The following VASH2 variants were observed in gnomAD, a reference collection of about 807,000 sequenced individuals.
The protein encoded by VASH2 is tubulinyl-Tyr carboxypeptidase 2.
In VASH2, 28 loss-of-function variants were observed where a neutral mutation model predicts 37.2. The observed-to-expected ratio is 0.75, with a 90% confidence interval of 0.56 to 1.03. The LOEUF (loss-of-function observed/expected upper bound fraction) is 1.03, where lower values mean the gene tolerates loss of function less well. Ranked by LOEUF, VASH2 falls within the 50% of genes least tolerant of loss-of-function variation. The pLI, the probability that VASH2 is intolerant of heterozygous loss-of-function variation, is 0.00. For synonymous variants in VASH2, 188 were observed against 174.7 expected (o/e 1.08, Z -0.60); for missense variants, 419 against 459.1 (o/e 0.91, Z 0.80).
chr1:212,987,894 CAT>C lies in VASH2; in HGVS notation c.996-617_996-616del, dbSNP rs1297778220. 3.9e-5 allele frequency among the ~76,000 whole-genome samples: 6 copies of C among 152,196 alleles called. No homozygotes were observed. The East Asian group carries it at 7.7e-4, about 20-fold the overall frequency. On this transcript the variant is annotated intron_variant, in intron 7 of 7. Transcript: ENST00000517399. ...TTTCCCAGCTTGAAGTACTTTCTCA[CAT>C]GACTTTGCATAATTGCTTAGTTGTA...
At chr1:212,965,648 T>C (rs1446586713) in intron 3 of VASH2, 74 bp from the exon 4 acceptor site, 2 of 1,345,436 alleles carry the variant, frequency 1.5e-6, no homozygotes, top group African/African-American at 1.5e-5. Flanking sequence ...GAAATCAGAA[T>C]GCATAGCTTT....
intron 6 of VASH2, among the ~76,000 whole-genome samples, chr1:212,973,184 T>A (rs1371677994): frequency 6.6e-6 from 1 of 152,220 alleles, no homozygotes; most frequent in Admixed American, 6.5e-5. Flanking sequence ...AAATCAGATC[T>A]AAAGTGTTAG....
At chr1:212,966,485 C>A in intron 5 of VASH2, 140 bp downstream of exon 5, 2 of 717,438 alleles carry the variant, frequency 2.8e-6, no homozygotes, top group East Asian at 2.8e-5. Flanking sequence ...TCCTCTGGTT[C>A]ATCTCTTTAA....
chr1:212,970,322 A>G (rs976216280), intron 5 of VASH2, among the ~76,000 whole-genome samples: 12 of 152,154 alleles, frequency 7.9e-5, no homozygotes, highest in Admixed American at 5.9e-4. Flanking sequence ...CCTCAAGATC[A>G]GTGACTCGTG....
intron 7 of VASH2, among the ~76,000 whole-genome samples, chr1:212,979,095 G>A (rs1246064106): frequency 6.6e-6 from 1 of 152,172 alleles, no homozygotes; most frequent in Non-Finnish European, 1.5e-5. Context: ...CACAAGCACT[G>A]GAGCGCCAAG....
chr1:212,963,841 A>G (rs1027485825), intron 3 of VASH2, among the ~76,000 whole-genome samples: 2 of 152,110 alleles, frequency 1.3e-5, no homozygotes, highest in Non-Finnish European at 2.9e-5. Context: ...TGAGCGGAGG[A>G]AAGTTGGGCA....
chr1:212,964,327 C>T (rs1558144801), intron 3 of VASH2, among the ~76,000 whole-genome samples: 1 of 152,204 alleles, frequency 6.6e-6, no homozygotes, highest in Non-Finnish European at 1.5e-5. Flanking sequence ...CCGCTAGGCG[C>T]CCCTGTCACT....
intron 7 of VASH2, among the ~76,000 whole-genome samples, chr1:212,988,015 C>T (rs1667532807): frequency 6.6e-6 from 1 of 152,160 alleles, no homozygotes; most frequent in Admixed American, 6.5e-5. Context: ...TCAGATGAAT[C>T]CTAAGATTCA....
In VASH2 at chr1:212,968,831, C is replaced by T. The variant is rs969728498; in HGVS notation, c.497+2486C>T. 8.1e-6 allele frequency: 8 copies of T among 985,342 alleles called. No homozygotes were observed. In the African/African-American group the frequency reaches 1.4e-4, roughly 17 times the overall value. The allele number at this position is 985,342 out of a possible 1,614,324, so 61.0% of individuals were successfully genotyped here. On this transcript the variant is annotated intron_variant, in intron 5 of 7. Coordinates refer to ENST00000517399, the MANE Select transcript of VASH2 (RefSeq NM_001301056.2). ...CAACGAAGGGGAACACAAGCCCAGG[C>T]CCTTCATGGGGTAGACAAGCTAACT...
chr1:212,972,907 G>A lies in VASH2; in HGVS notation c.825G>A (p.Leu275=). The change falls in exon 6 of 8, where the codon CTG becomes CTA. Residue 275 remains leucine, a synonymous_variant. Coordinates refer to ENST00000517399, the MANE Select transcript of VASH2 (RefSeq NM_001301056.2). ...TGGTCCTCAACGTCTCAAAGATGCT[G>A]AGGGCTGACATAAGGAAGGAGCTGG... is the stretch of plus-strand genomic sequence containing the variant. ...KQLVLNVSKM[L]RADIRKELEK... 6.2e-7 allele frequency: 1 copy of A among 1,614,104 alleles called. No individual in the cohort carries two copies. The highest frequency in any genetic ancestry group is 8.5e-7 in the Non-Finnish European group (1 of 1,180,028).
At chr1:212,985,240 C>T (rs1376113309) in intron 7 of VASH2, among the ~76,000 whole-genome samples, 2 of 139,994 alleles carry the variant, frequency 1.4e-5, no homozygotes, top group Non-Finnish European at 3.1e-5. Context: ...GGGGTTTCAC[C>T]GTGGTGCCCA....
At chr1:212,987,049 G>C (rs1667498221) in intron 7 of VASH2, among the ~76,000 whole-genome samples, 1 of 152,016 alleles carries the variant, frequency 6.6e-6, no homozygotes. Flanking sequence ...GAGAGAGAGA[G>C]AGAGAGAAAA....
chr1:212,975,487 C>T (rs1396011432), intron 7 of VASH2, among the ~76,000 whole-genome samples: 30 of 152,236 alleles, frequency 2.0e-4, no homozygotes, highest in Admixed American at 2.0e-3. Flanking sequence ...CAGCCATTCA[C>T]ACGTGGCCTC....
chr1:212,990,439 T>C lies in VASH2; in HGVS notation c.*1855T>C, dbSNP rs2075847190. 1 of 152,244 alleles carries C rather than the reference T, an allele frequency of 6.6e-6. No homozygotes were observed. The highest frequency in any genetic ancestry group is 1.5e-5 in the Non-Finnish European group (1 of 68,044). 9.4% of individuals were successfully genotyped at this position (152,244 alleles called of 1,614,324 possible). A position where few individuals can be genotyped will look rare whatever the true frequency, so the allele number is the denominator to read the frequency against. On this transcript the variant is annotated 3_prime_UTR_variant, in exon 8 of 8. Coordinates refer to ENST00000517399, the MANE Select transcript of VASH2 (RefSeq NM_001301056.2). ...ATAGTGAATCATTTCATTTTCATTC[T>C]AAAACAATACTGACTTAGCCATATA...
At chr1:212,960,729 T>G (rs1666647706) in intron 2 of VASH2, among the ~76,000 whole-genome samples, 2 of 152,212 alleles carry the variant, frequency 1.3e-5, no homozygotes, top group Non-Finnish European at 2.9e-5. Flanking sequence ...TGCCCTGCAG[T>G]AGAGCACTTG....
In VASH2 at chr1:212,951,704, C is replaced by A. The variant is rs756166915; in HGVS notation, c.162C>A (p.Ser54Arg). ...DGGVLFHVNK[S>R]GFPIDSHTWE... ...GGGTGCTGTTCCACGTCAACAAGAG[C>A]GGCTTCCCCATCGACAGCCACACCT... The change falls in exon 2 of 8, where the codon AGC becomes AGA. Residue 54 changes from serine to arginine, a missense_variant. By Grantham distance (110) the Ser-to-Arg change is moderately radical. Transcript: ENST00000517399. This position sits in a 1 kb window ranked among gnomAD's most constrained non-coding sequence, Gnocchi z 4.4. The A allele has an allele frequency of 1.2e-6, 2 of 1,602,388 alleles. No homozygotes were observed. The highest frequency in any genetic ancestry group is 1.7e-5 in the Admixed American group (1 of 57,904).
chr1:212,953,234 G>GT lies in VASH2; in HGVS notation c.276+1416_276+1417insT, dbSNP rs932062481. On this transcript the variant is annotated intron_variant, in intron 2 of 7. Transcript: ENST00000517399. The stretch of plus-strand genomic sequence containing the variant: ...CCAACCATGTATGCGGGTGCGCGGG[G>GT]GGGGGTGCATTCTCTATGTGGGAAT... 1.1e-4 allele frequency among the ~76,000 whole-genome samples: 14 copies of GT among 128,314 alleles called. No individual in the cohort carries two copies. The South Asian group carries it at 2.8e-3, about 26-fold the overall frequency. 84.2% of individuals were successfully genotyped at this position (128,314 alleles called of 152,430 possible).
At chr1:212,984,038 C>A (rs1248691178) in intron 7 of VASH2, among the ~76,000 whole-genome samples, 3 of 152,156 alleles carry the variant, frequency 2.0e-5, no homozygotes, top group Non-Finnish European at 4.4e-5. Flanking sequence ...ATTAATTAAT[C>A]CACGGAAACC....
At chr1:212,973,754 G>A (rs554755526) in intron 6 of VASH2, 2 of 1,364,218 alleles carry the variant, frequency 1.5e-6, no homozygotes, top group African/African-American at 1.5e-5. Flanking sequence ...TCTTGGAAGT[G>A]GTGCCCTTGC....
Sources: gnomAD v4.1 joint callset for allele counts (sites outside exome capture counted in the v4.1 genomes callset) on GRCh38, gnomAD v4.1.1 for gene constraint, Gnocchi (gnomAD v3.1) non-coding constraint, MANE v1.5 for transcripts, NCBI Gene and HGNC (gene_info 2026-07-23, HGNC 2026-07-21) for gene names.